Variants in COL8A1 observed in about 807,000 individuals in gnomAD.
COL8A1 encodes collagen type VIII alpha 1 chain, also known as collagen alpha-1(VIII) chain.
Under a neutral mutation model 42.7 loss-of-function variants are expected in COL8A1, and 21 were observed. That is an observed-to-expected ratio of 0.49 (90% CI 0.35 to 0.71). The LOEUF is 0.71. Ranked by LOEUF, COL8A1 falls within the 30% of genes least tolerant of loss-of-function variation. COL8A1 has a pLI of 0.01. For missense variants in COL8A1, 788 were observed against 962.4 expected (o/e 0.82, Z 2.40); for synonymous variants, 367 against 369.1 (o/e 0.99, Z 0.06).
intron 1 of COL8A1, among the ~76,000 whole-genome samples, chr3:99,663,436 G>A (rs1168475821): frequency 1.3e-5 from 2 of 152,052 alleles, no homozygotes; most frequent in African/African-American, 4.8e-5. Context: ...TTTTGCTAAT[G>A]TTGGGCTGCA....
rs150789514 is a variant in COL8A1 at position 99,780,312 on chromosome 3, A to G, written c.-3-10368A>G. ...TACACAGCTAATAAGTGATGGAATCAGGATTTAATTCAGGCAATTTAGCTC... is the reference window on the plus strand; with the variant it reads ...TACACAGCTAATAAGTGATGGAATCGGGATTTAATTCAGGCAATTTAGCTC... On this transcript the variant is annotated intron_variant, in intron 2 of 3. Transcript: ENST00000652472. Among the ~76,000 whole-genome samples, 91 of 152,388 alleles carry G rather than the reference A, an allele frequency of 6.0e-4. 1 individual carries two copies. The East Asian group carries it at 0.016, about 27-fold the overall frequency.
At chr3:99,709,496 T>A (rs34259523) in intron 1 of COL8A1, among the ~76,000 whole-genome samples, 11,758 of 152,242 alleles carry the variant, frequency 0.077, 570 homozygotes, top group Middle Eastern at 0.11. Context: ...TGGTGCTCAA[T>A]AAATATTTAT....
intron 1 of COL8A1, among the ~76,000 whole-genome samples, chr3:99,666,964 G>T (rs1232810439): frequency 6.6e-6 from 1 of 152,116 alleles, no homozygotes; most frequent in Non-Finnish European, 1.5e-5. Context: ...TCTGCAGCAT[G>T]TTCTGTGGAG....
At chr3:99,682,979 T>G (rs948969519) in intron 1 of COL8A1, among the ~76,000 whole-genome samples, 1 of 152,136 alleles carries the variant, frequency 6.6e-6, no homozygotes, top group African/African-American at 2.4e-5. Flanking sequence ...AAAAATAGAA[T>G]AGAGAATCAT....
At chr3:99,689,365 C>A (rs972112577) in intron 1 of COL8A1, among the ~76,000 whole-genome samples, 3 of 152,186 alleles carry the variant, frequency 2.0e-5, no homozygotes, top group Non-Finnish European at 4.4e-5. Context: ...GGAATCAAGT[C>A]ATACTGTCTT....
intron 1 of COL8A1, among the ~76,000 whole-genome samples, chr3:99,732,288 C>A (rs1212485883): frequency 1.3e-5 from 2 of 152,018 alleles, no homozygotes; most frequent in Non-Finnish European, 2.9e-5. Context: ...TTCCAAATAT[C>A]CAGGTGTATT....
intron 1 of COL8A1, among the ~76,000 whole-genome samples, chr3:99,646,906 A>G (rs1327990607): frequency 2.6e-5 from 4 of 152,208 alleles, no homozygotes; most frequent in African/African-American, 9.6e-5. Context: ...TAAAAACTCT[A>G]TTTTAACTGG....
chr3:99,795,023 A>C lies in COL8A1; in HGVS notation c.1122A>C (p.Arg374Ser). ...MGGVPGALGPRGEKGPIGAPG... is the reference protein window; with the variant it reads ...MGGVPGALGPSGEKGPIGAPG... ...GTGTTCCTGGGGCTCTTGGACCAAG[A>C]GGGGAGAAAGGACCAATAGGTGCCC... Residue 374 changes from arginine to serine, a missense_variant, in exon 4 of 4, where the codon AGA (arginine) becomes AGC (serine). This residue lies in a region of COL8A1 where 421 missense variants were observed against 553.1 expected (regional missense o/e 0.76). Transcript: ENST00000652472. The C allele has an allele frequency of 6.2e-7, 1 of 1,608,004 alleles. No individual in the cohort carries two copies. The highest frequency in any genetic ancestry group is 8.5e-7 in the Non-Finnish European group (1 of 1,177,158).
intron 3 of COL8A1, among the ~76,000 whole-genome samples, chr3:99,791,542 A>C (rs560167338): frequency 6.6e-6 from 1 of 152,364 alleles, no homozygotes; most frequent in Non-Finnish European, 1.5e-5. Context: ...AACAGAAGGA[A>C]ACTAAGAGTA....
At chr3:99,769,789 C>T (rs934320863) in intron 2 of COL8A1, among the ~76,000 whole-genome samples, 1 of 152,022 alleles carries the variant, frequency 6.6e-6, no homozygotes, top group Non-Finnish European at 1.5e-5. Flanking sequence ...TGTGGTGGTA[C>T]GCACTTGCAG....
At chr3:99,721,498 A>G (rs75422650) in intron 1 of COL8A1, among the ~76,000 whole-genome samples, 11,647 of 151,596 alleles carry the variant, frequency 0.077, 564 homozygotes, top group Middle Eastern at 0.11. Flanking sequence ...CTGGATGGTC[A>G]GGGCTGAGAG....
intron 1 of COL8A1, among the ~76,000 whole-genome samples, chr3:99,733,758 CCCA>C (rs1364656472): frequency 1.3e-4 from 19 of 151,428 alleles, no homozygotes; most frequent in African/African-American, 4.4e-4. Context: ...AGTTTACAGT[CCCA>C]CCAACAGTGT....
In COL8A1 at chr3:99,737,526, C is replaced by A. The variant is rs551696738; in HGVS notation, c.-128-7371C>A. Among the ~76,000 whole-genome samples the A allele has an allele frequency of 3.1e-3, 468 of 152,090 alleles. 4 individuals carry two copies. Among genetic ancestry groups the A allele is most frequent in the African/African-American group, 0.011 (440 of 41,492 alleles). On this transcript the variant is annotated intron_variant, in intron 1 of 3. Coordinates refer to ENST00000652472, the MANE Select transcript of COL8A1 (RefSeq NM_020351.4). ...GATATGAAATTCTGGGTTGAAAATTCTTTTCTTTAAGAATGTTGAATATTG... is the reference window on the plus strand; with the variant it reads ...GATATGAAATTCTGGGTTGAAAATTATTTTCTTTAAGAATGTTGAATATTG...
At chr3:99,783,288 C>A (rs1390424887) in intron 2 of COL8A1, among the ~76,000 whole-genome samples, 6 of 152,184 alleles carry the variant, frequency 3.9e-5, no homozygotes, top group Admixed American at 6.5e-5. Context: ...GGGGCACAAC[C>A]TAATTGACTT....
chr3:99,658,495 T>C (rs761583655), intron 1 of COL8A1, among the ~76,000 whole-genome samples: 9 of 152,278 alleles, frequency 5.9e-5, no homozygotes, highest in Non-Finnish European at 1.2e-4. Flanking sequence ...ATACTCTCAC[T>C]GTTTCTGTTT....
chr3:99,680,730 A>G (rs1221943873), intron 1 of COL8A1, among the ~76,000 whole-genome samples: 2 of 152,144 alleles, frequency 1.3e-5, no homozygotes, highest in Non-Finnish European at 2.9e-5. Context: ...TTTGATTTGC[A>G]TTTCTGTATA....
chr3:99,792,686 A>G (rs1213515250), intron 3 of COL8A1, among the ~76,000 whole-genome samples: 1 of 152,244 alleles, frequency 6.6e-6, no homozygotes, highest in Non-Finnish European at 1.5e-5. Flanking sequence ...CAGAAAGATA[A>G]GCAGAGCTTC....
At chr3:99,643,171 C>T (rs940816847) in intron 1 of COL8A1, among the ~76,000 whole-genome samples, 3 of 152,208 alleles carry the variant, frequency 2.0e-5, no homozygotes, top group Non-Finnish European at 4.4e-5. Flanking sequence ...TCTTGAATAA[C>T]TGCAGTGTGG....
intron 2 of COL8A1, among the ~76,000 whole-genome samples, chr3:99,772,827 C>T (rs560415489): frequency 6.6e-5 from 10 of 152,092 alleles, no homozygotes; most frequent in Non-Finnish European, 1.5e-4. Flanking sequence ...AGGATATTGC[C>T]AGCCTGAAGA....
Sources: allele counts gnomAD v4.1 joint callset (sites outside exome capture counted in the v4.1 genomes callset), GRCh38; gene constraint gnomAD v4.1.1; regional missense constraint gnomAD v4.1.1; transcripts MANE v1.5; gene names NCBI Gene and HGNC (gene_info 2026-07-23, HGNC 2026-07-21).